USP13: variants seen among roughly 807,000 people sequenced by gnomAD.
USP13 encodes the protein ubiquitin carboxyl-terminal hydrolase 13.
USP13 carries 68 observed loss-of-function variants against 107.8 expected under a neutral mutation model. The observed-to-expected ratio is 0.63, with a 90% CI of 0.52 to 0.77. The LOEUF (loss-of-function observed/expected upper bound fraction) is 0.77, where lower values mean the gene tolerates loss of function less well. Ranked by LOEUF, USP13 falls within the 30% of genes least tolerant of loss-of-function variation. USP13 has a pLI of 0.00. For synonymous variants in USP13, 377 were observed against 389.5 expected (o/e 0.97, Z 0.38); for missense variants, 945 against 1,093.3 (o/e 0.86, Z 1.91).
chr3:179,760,293 T>A (rs1296227816), intron 16 of USP13, among the ~76,000 whole-genome samples: 1 of 150,442 alleles, frequency 6.6e-6, no homozygotes, highest in African/African-American at 2.5e-5. Flanking sequence ...TTTTTTTTTT[T>A]TTTTTTTTGA....
intron 13 of USP13, among the ~76,000 whole-genome samples, chr3:179,747,011 T>C (rs1282244873): frequency 6.6e-6 from 1 of 152,252 alleles, no homozygotes; most frequent in Admixed American, 6.5e-5. Flanking sequence ...AAATTATTTT[T>C]AAAAAGCTCC....
At chr3:179,773,490 T>TAAAATTAAATTCATTTAAAG (rs2108547317) in intron 19 of USP13, among the ~76,000 whole-genome samples, 1 of 152,352 alleles carries the variant, frequency 6.6e-6, no homozygotes, top group South Asian at 2.1e-4. Context: ...TAATGGCTTA[T>TAAAATTAAATTCATTTAAAG]AAAATTAAAT....
chr3:179,703,403 A>T (rs1712602364), intron 4 of USP13, among the ~76,000 whole-genome samples: 1 of 152,170 alleles, frequency 6.6e-6, no homozygotes, highest in African/African-American at 2.4e-5. Flanking sequence ...AGCACAGAAG[A>T]ATTTCATTTT....
At chr3:179,753,510 C>A (rs919756328) in intron 14 of USP13, among the ~76,000 whole-genome samples, 2 of 152,186 alleles carry the variant, frequency 1.3e-5, no homozygotes, top group Non-Finnish European at 2.9e-5. Flanking sequence ...CTTGGAATTT[C>A]TGTAAAGGAA....
At chr3:179,654,472 TCTATGTGA>T (rs1720193287) in intron 1 of USP13, among the ~76,000 whole-genome samples, 1 of 152,198 alleles carries the variant, frequency 6.6e-6, no homozygotes, top group Non-Finnish European at 1.5e-5. Flanking sequence ...TTCACCTGGT[TCTATGTGA>T]ATGTGTGAGA....
chr3:179,685,756 T>C (rs1404630842), intron 2 of USP13, among the ~76,000 whole-genome samples: 3 of 152,192 alleles, frequency 2.0e-5, no homozygotes, highest in Admixed American at 1.3e-4. Flanking sequence ...CTCTGGAATT[T>C]TGAGTTAAAT....
At chr3:179,722,334 T>C (rs777255357) in intron 8 of USP13, among the ~76,000 whole-genome samples, 3 of 152,166 alleles carry the variant, frequency 2.0e-5, no homozygotes, top group Non-Finnish European at 4.4e-5. Context: ...GTTCATAGAC[T>C]AGTGCAGCTC....
intron 19 of USP13, among the ~76,000 whole-genome samples, chr3:179,777,154 G>C (rs1327826103): frequency 6.6e-6 from 1 of 152,040 alleles, no homozygotes; most frequent in Non-Finnish European, 1.5e-5. Context: ...TATTTTTGTG[G>C]TTCTGAGTAT....
intron 14 of USP13, among the ~76,000 whole-genome samples, chr3:179,753,601 T>C (rs1445209528): frequency 6.6e-6 from 1 of 152,252 alleles, no homozygotes; most frequent in East Asian, 1.9e-4. Flanking sequence ...TGAATTTTTC[T>C]CTTAAGGAGC....
At chr3:179,687,336 G>A (rs1254231751) in intron 2 of USP13, among the ~76,000 whole-genome samples, 1 of 151,974 alleles carries the variant, frequency 6.6e-6, no homozygotes, top group Non-Finnish European at 1.5e-5. Context: ...CATTCCTGCT[G>A]TTCTTGTCTG....
At position 179,784,397 on chromosome 3, in the gene USP13, A is replaced by T. The variant is rs1715856639; in HGVS notation, c.*256A>T. Reference sequence around the variant, plus strand: ...GATGATGATATTTAAAAACAAAAAAAGTATTCATATTGCTGGTGGAGGATC... The same window carrying T: ...GATGATGATATTTAAAAACAAAAAATGTATTCATATTGCTGGTGGAGGATC... On this transcript the variant is annotated 3_prime_UTR_variant, in exon 21 of 21. Coordinates refer to ENST00000263966, the MANE Select transcript of USP13 (RefSeq NM_003940.3). 2.8e-6 allele frequency: 1 copy of T among 354,986 alleles called. No homozygotes were observed. Among genetic ancestry groups the T allele is most frequent in the Non-Finnish European group, 5.1e-6 (1 of 196,194 alleles). 22.0% of individuals were successfully genotyped at this position (354,986 alleles called of 1,614,324 possible).
intron 13 of USP13, among the ~76,000 whole-genome samples, chr3:179,747,034 G>T (rs1487213870): frequency 1.3e-5 from 2 of 152,220 alleles, no homozygotes; most frequent in African/African-American, 4.8e-5. Context: ...ATCCAAGGGA[G>T]ATTAATAGTA....
chr3:179,676,138 G>A (rs933645448), intron 1 of USP13, among the ~76,000 whole-genome samples: 7 of 152,140 alleles, frequency 4.6e-5, no homozygotes, highest in Admixed American at 6.6e-5. Flanking sequence ...CAGCCGCCCT[G>A]TGAAGAAGGT....
At chr3:179,756,397 G>A (rs964379725) in intron 15 of USP13, among the ~76,000 whole-genome samples, 6 of 151,442 alleles carry the variant, frequency 4.0e-5, no homozygotes, top group South Asian at 2.1e-4. Context: ...GCGGCAGAGC[G>A]AGACCCTGTC....
intron 20 of USP13, among the ~76,000 whole-genome samples, chr3:179,783,181 G>A (rs1468301540): frequency 2.0e-5 from 3 of 151,930 alleles, no homozygotes; most frequent in Non-Finnish European, 4.4e-5. Context: ...AATTTTAAAA[G>A]CAATAAAATT....
At chr3:179,753,687 C>G (rs1446376222) in intron 14 of USP13, among the ~76,000 whole-genome samples, 1 of 152,066 alleles carries the variant, frequency 6.6e-6, no homozygotes, top group African/African-American at 2.4e-5. Context: ...CTTTTTTAAA[C>G]TAAGCTTTGT....
intron 6 of USP13, among the ~76,000 whole-genome samples, chr3:179,710,840 G>A (rs890284594): frequency 2.0e-5 from 3 of 152,178 alleles, no homozygotes; most frequent in African/African-American, 7.2e-5. Context: ...TAACACAATG[G>A]TAAGTATTTG....
Position 179,707,057 on chromosome 3 carries a change from G to A in USP13, c.601G>A (p.Gly201Arg). The A allele has an allele frequency of 5.0e-6, 8 of 1,614,004 alleles. No homozygotes were observed. The highest frequency in any genetic ancestry group is 6.8e-6 in the Non-Finnish European group (8 of 1,179,980). The part of the protein sequence containing the change: ...YANNLTQLDN[G>R]VRIPPSGWKC... The stretch of plus-strand genomic sequence containing the variant: ...CAACAACCTCACCCAGCTGGACAAT[G>A]GAGTCAGGATTCCTCCAAGGTGAGA... Residue 201 changes from glycine to arginine, a missense_variant, in exon 5 of 21, where the codon GGA becomes AGA. By Grantham distance (125) the Gly-to-Arg change is moderately radical. Transcript: ENST00000263966.
Position 179,668,197 on chromosome 3 carries a change from G to A in USP13, c.169-13681G>A, listed in dbSNP as rs528109592. Among the ~76,000 whole-genome samples, 3 of 152,186 alleles carry A rather than the reference G, an allele frequency of 2.0e-5. No homozygotes were observed. The South Asian group carries it at 6.2e-4, about 32-fold the overall frequency. On this transcript the variant is annotated intron_variant, in intron 1 of 20. Transcript: ENST00000263966. ...ATATTTTTTTTAGAGATGGGGTCTC[G>A]CTATGCTGCCCAGGCTGGCATCGAC...
Sources: allele counts gnomAD v4.1 joint callset (sites outside exome capture counted in the v4.1 genomes callset), GRCh38; gene constraint gnomAD v4.1.1; transcripts MANE v1.5; gene names NCBI Gene and HGNC (gene_info 2026-07-23, HGNC 2026-07-21).